Variants in TNR observed in about 807,000 individuals in gnomAD.
TNR encodes tenascin R, also known as tenascin-R.
A neutral mutation model predicts 150.4 loss-of-function variants in TNR; 45 were observed. The ratio of observed to expected loss-of-function variants is 0.30; its 90% CI spans 0.24 to 0.38. The LOEUF (loss-of-function observed/expected upper bound fraction) is 0.38. TNR is among the 10% of genes least tolerant of loss of function. TNR has a pLI of 1.00. For synonymous variants in TNR, 687 were observed against 678.4 expected, an observed-to-expected ratio of 1.01 and a Z score of -0.20; for missense variants, 1,544 against 1,759.1, an observed-to-expected ratio of 0.88 and a Z score of 2.19.
intron 1 of TNR, among the ~76,000 whole-genome samples, chr1:175,533,907 A>G (rs182554366): frequency 1.3e-5 from 2 of 152,336 alleles, no homozygotes; most frequent in Admixed American, 1.3e-4. Flanking sequence ...AGAAAAGCAC[A>G]CAGTCACATT....
At chr1:175,457,376 C>T (rs1025401784) in intron 2 of TNR, among the ~76,000 whole-genome samples, 5 of 152,246 alleles carry the variant, frequency 3.3e-5, no homozygotes, top group African/African-American at 1.2e-4. Flanking sequence ...CAGGCTACAG[C>T]CATCAGGCCA....
At chr1:175,399,150 C>T (rs1296257637) in intron 4 of TNR, among the ~76,000 whole-genome samples, 1 of 152,158 alleles carries the variant, frequency 6.6e-6, no homozygotes, top group Non-Finnish European at 1.5e-5. Flanking sequence ...GGTGCTCATC[C>T]TACAGGTAAG....
chr1:175,731,979 T>G (rs1667652994), intron 1 of TNR, among the ~76,000 whole-genome samples: 1 of 152,170 alleles, frequency 6.6e-6, no homozygotes, highest in African/African-American at 2.4e-5. Flanking sequence ...TCCACCTGCT[T>G]CTTCTGCTGA....
At chr1:175,394,966 G>A (rs547503559) in intron 5 of TNR, among the ~76,000 whole-genome samples, 130 of 152,252 alleles carry the variant, frequency 8.5e-4, no homozygotes, top group African/African-American at 3.0e-3. Flanking sequence ...GACTCATCCC[G>A]GAGCAAGGTG....
intron 1 of TNR, among the ~76,000 whole-genome samples, chr1:175,708,841 A>G (rs1005507526): frequency 4.6e-5 from 7 of 152,178 alleles, no homozygotes; most frequent in African/African-American, 1.7e-4. Flanking sequence ...TGCATTTTCA[A>G]TTGTTCAAGT....
chr1:175,596,277 C>T lies in TNR; in HGVS notation c.-164-67908G>A, dbSNP rs545082608. On this transcript the variant is annotated intron_variant, in intron 1 of 22. Transcript: ENST00000367674. ...CGTGTTTCTGCACGGTAAGAAGGAG[C>T]TGGAGCTGAGGAGTGGAGGGTCCTT... is the stretch of plus-strand genomic sequence containing the variant. Among the ~76,000 whole-genome samples the T allele has an allele frequency of 1.9e-3, 282 of 152,258 alleles. 1 individual carries two copies. The highest frequency in any genetic ancestry group is 2.9e-3 in the Non-Finnish European group (200 of 68,006).
At chr1:175,662,700 G>A (rs1558061064) in intron 1 of TNR, among the ~76,000 whole-genome samples, 1 of 152,212 alleles carries the variant, frequency 6.6e-6, no homozygotes, top group East Asian at 1.9e-4. Context: ...CCCAAAGAAC[G>A]TAGTTATTTC....
intron 1 of TNR, among the ~76,000 whole-genome samples, chr1:175,575,856 T>C (rs1009947705): frequency 1.3e-5 from 2 of 152,080 alleles, no homozygotes; most frequent in African/African-American, 4.8e-5. Context: ...CACTGCTAAG[T>C]TGAACCAAGC....
At chr1:175,652,717 T>A (rs772272219) in intron 1 of TNR, among the ~76,000 whole-genome samples, 12 of 152,166 alleles carry the variant, frequency 7.9e-5, no homozygotes, top group Non-Finnish European at 1.8e-4. Flanking sequence ...TGGTTGTAAG[T>A]TTCCTGAGGC....
At chr1:175,457,444 G>T (rs1656616643) in intron 2 of TNR, among the ~76,000 whole-genome samples, 1 of 152,234 alleles carries the variant, frequency 6.6e-6, no homozygotes, top group African/African-American at 2.4e-5. Flanking sequence ...AGACCACTGA[G>T]TTGGCCGGCC....
intron 1 of TNR, among the ~76,000 whole-genome samples, chr1:175,675,035 T>C (rs1180513283): frequency 6.6e-6 from 1 of 152,154 alleles, no homozygotes; most frequent in East Asian, 1.9e-4. Context: ...GCAAAATGAC[T>C]ATTGAGCTTA....
intron 1 of TNR, among the ~76,000 whole-genome samples, chr1:175,737,722 T>C (rs1369472926): frequency 6.6e-6 from 1 of 152,188 alleles, no homozygotes; most frequent in African/African-American, 2.4e-5. Flanking sequence ...TATTGAGTCA[T>C]TTACAGCCAC....
chr1:175,415,063 C>A (rs955828749), intron 2 of TNR, among the ~76,000 whole-genome samples: 2 of 151,610 alleles, frequency 1.3e-5, no homozygotes, highest in Non-Finnish European at 2.9e-5. Flanking sequence ...CCAGCTTCTG[C>A]CATTTGTGGT....
intron 1 of TNR, among the ~76,000 whole-genome samples, chr1:175,683,594 C>T (rs954109196): frequency 2.0e-5 from 3 of 152,180 alleles, no homozygotes; most frequent in African/African-American, 7.2e-5. Context: ...CTTTCCCCAG[C>T]CCAGGCTGGA....
intron 1 of TNR, among the ~76,000 whole-genome samples, chr1:175,633,257 T>C (rs1169501543): frequency 1.3e-5 from 2 of 152,214 alleles, no homozygotes; most frequent in African/African-American, 4.8e-5. Flanking sequence ...GATTTTCTCC[T>C]TAATTAGACT....
intron 9 of TNR, among the ~76,000 whole-genome samples, chr1:175,377,936 G>C (rs1474643340): frequency 2.0e-5 from 3 of 152,108 alleles, no homozygotes; most frequent in Admixed American, 6.5e-5. Flanking sequence ...GTTTGGGAAG[G>C]GAGGTTTTCT....
chr1:175,459,945 T>C (rs1022793034), intron 2 of TNR, among the ~76,000 whole-genome samples: 4 of 152,134 alleles, frequency 2.6e-5, no homozygotes, highest in Non-Finnish European at 4.4e-5. Context: ...ATAATGTATA[T>C]AGAGTTTGCA....
chr1:175,393,196 G>A (rs931951565), intron 6 of TNR, among the ~76,000 whole-genome samples: 1 of 152,300 alleles, frequency 6.6e-6, no homozygotes, highest in African/African-American at 2.4e-5. Flanking sequence ...GCTTTAGAGA[G>A]TAGAAAGGAA....
Position 175,424,931 on chromosome 1 carries a change from G to T in TNR, c.-63-18154C>A, listed in dbSNP as rs144769411. ...TATCAAGCTGAAGACCCTGGAGGGT[G>T]ACTCAAGCCAGAGGGCTCTAGTAGT... is the stretch of plus-strand genomic sequence containing the variant. On this transcript the variant is annotated intron_variant, in intron 2 of 22. Transcript: ENST00000367674. 2.4e-3 allele frequency among the ~76,000 whole-genome samples: 359 copies of T among 152,164 alleles called. 2 individuals are homozygous for T. Among genetic ancestry groups the T allele is most frequent in the African/African-American group, 8.5e-3 (351 of 41,508 alleles).
Sources: allele counts gnomAD v4.1 joint callset (sites outside exome capture counted in the v4.1 genomes callset), GRCh38; gene constraint gnomAD v4.1.1; transcripts MANE v1.5; gene names NCBI Gene and HGNC (gene_info 2026-07-23, HGNC 2026-07-21).